NRG2: variants seen among roughly 807,000 people sequenced by gnomAD.
NRG2 encodes the protein pro-neuregulin-2, membrane-bound isoform.
Under a neutral mutation model 73.9 loss-of-function variants are expected in NRG2, and 27 were observed. The ratio of observed to expected loss-of-function variants is 0.37; its 90% confidence interval spans 0.27 to 0.50. NRG2 has a LOEUF of 0.50. Among genes scored for constraint, NRG2 ranks in the 20% least tolerant of loss-of-function variants. The pLI is 0.96. For synonymous variants in NRG2, 532 were observed against 541.0 expected, an observed-to-expected ratio of 0.98 and a Z score of 0.23; for missense variants, 1,126 against 1,210.1, an observed-to-expected ratio of 0.93 and a Z score of 1.03.
chr5:139,938,151 G>T (rs113829513), intron 1 of NRG2, among the ~76,000 whole-genome samples: 67 of 152,306 alleles, frequency 4.4e-4, no homozygotes, highest in African/African-American at 1.5e-3. Flanking sequence ...GGAAATACGT[G>T]TTCATGGATG....
chr5:140,026,575 G>A (rs1171088750), intron 1 of NRG2, among the ~76,000 whole-genome samples: 1 of 151,878 alleles, frequency 6.6e-6, no homozygotes, highest in African/African-American at 2.4e-5. Flanking sequence ...AACAGCCACC[G>A]TACTCCAGCC....
Position 139,932,221 on chromosome 5 carries a change from A to AGTGTGTGTGT in NRG2, c.701-44720_701-44711dup, listed in dbSNP as rs3056594. Among the ~76,000 whole-genome samples the AGTGTGTGTGT allele has an allele frequency of 5.9e-3, 841 of 141,436 alleles. 3 individuals carry two copies. The highest frequency in any genetic ancestry group is 0.02 in the African/African-American group (774 of 38,550). 92.8% of individuals were successfully genotyped at this position (141,436 alleles called of 152,430 possible). On this transcript the variant is annotated intron_variant, in intron 1 of 9. Transcript: ENST00000361474. ...ATGGATGAATGGATAAAGAAAATGT[A>AGTGTGTGTGT]GTGTGTGTGTGTGTGTGTGTGTGTG...
At chr5:140,011,241 T>A (rs1759341812) in intron 1 of NRG2, among the ~76,000 whole-genome samples, 1 of 152,198 alleles carries the variant, frequency 6.6e-6, no homozygotes, top group Non-Finnish European at 1.5e-5. Context: ...TTACTTCCTA[T>A]GTTATAGCCT....
chr5:140,006,699 G>T (rs1758929870), intron 1 of NRG2, among the ~76,000 whole-genome samples: 1 of 152,138 alleles, frequency 6.6e-6, no homozygotes, highest in Non-Finnish European at 1.5e-5. Context: ...AGAGAGACAT[G>T]CCAGGAAAAG....
chr5:139,880,521 T>C (rs971855766), intron 3 of NRG2, among the ~76,000 whole-genome samples: 1 of 152,148 alleles, frequency 6.6e-6, no homozygotes, highest in African/African-American at 2.4e-5. Flanking sequence ...GGCCTGCCTC[T>C]CCCTGCAGCC....
At position 139,887,504 on chromosome 5, in the gene NRG2, C is replaced by A; in HGVS notation, c.708G>T (p.Arg236=). ...GGCTCTTCATCTTCTTCAACTTGGG[C>A]CGGGTGGCTGTGGGTTACAAGGCAG... ...GKILCTDCAT[R]PKLKKMKSQT... The change falls in exon 2 of 10, where the codon CGG becomes CGT. Residue 236 remains arginine (R), a synonymous_variant. Transcript: ENST00000361474. The surrounding 1 kb of genome is among the most constrained non-coding windows in gnomAD (Gnocchi z 4.5). The A allele has an allele frequency of 3.1e-6, 5 of 1,613,908 alleles. No individual in the cohort carries two copies. The highest frequency in any genetic ancestry group is 4.2e-6 in the Non-Finnish European group (5 of 1,179,942).
intron 1 of NRG2, among the ~76,000 whole-genome samples, chr5:139,924,824 C>A (rs529356635): frequency 6.6e-6 from 1 of 152,210 alleles, no homozygotes; most frequent in African/African-American, 2.4e-5. Context: ...CTCTTCGCTG[C>A]TACTTCTGGG....
intron 1 of NRG2, among the ~76,000 whole-genome samples, chr5:139,916,245 A>G (rs891145825): frequency 1.3e-5 from 2 of 152,190 alleles, no homozygotes; most frequent in African/African-American, 4.8e-5. Context: ...GGTATTTGTA[A>G]CTATTGTGAG....
At chr5:139,970,434 C>T (rs1333364919) in intron 1 of NRG2, among the ~76,000 whole-genome samples, 1 of 151,838 alleles carries the variant, frequency 6.6e-6, no homozygotes. Flanking sequence ...GCAACATCCC[C>T]ACCTCCACTG....
intron 1 of NRG2, among the ~76,000 whole-genome samples, chr5:139,917,624 T>G (rs1369517975): frequency 6.6e-6 from 1 of 152,180 alleles, no homozygotes; most frequent in African/African-American, 2.4e-5. Context: ...ATATTGGCCA[T>G]TTGTATGTCT....
chr5:139,925,868 C>T (rs984266850), intron 1 of NRG2, among the ~76,000 whole-genome samples: 12 of 152,164 alleles, frequency 7.9e-5, no homozygotes, highest in Admixed American at 5.2e-4. Context: ...ACCTCCAGGC[C>T]CCACCTCTCT....
intron 1 of NRG2, among the ~76,000 whole-genome samples, chr5:139,948,765 T>C (rs1361471086): frequency 6.6e-6 from 1 of 152,220 alleles, no homozygotes; most frequent in Non-Finnish European, 1.5e-5. Flanking sequence ...TTAGCCCAGT[T>C]AGCAGGTTGT....
chr5:140,007,305 T>A (rs1239853128), intron 1 of NRG2, among the ~76,000 whole-genome samples: 1 of 152,132 alleles, frequency 6.6e-6, no homozygotes, highest in East Asian at 1.9e-4. Context: ...CGAGCTGTAG[T>A]GCCTTCTGCT....
chr5:139,865,415 A>C lies in NRG2; in HGVS notation c.1189+134T>G. 1.3e-6 allele frequency: 1 copy of C among 762,094 alleles called. No homozygotes were observed. 47.2% of individuals were successfully genotyped at this position (762,094 alleles called of 1,614,324 possible). ...AGAACTAACAAACCAAAATACAAAA[A>C]AGAAAAGAGAAACAAAACAAAACAG... On this transcript the variant is annotated intron_variant, in intron 5 of 9. Transcript: ENST00000361474. This position sits in a 1 kb window ranked among gnomAD's most constrained non-coding sequence, Gnocchi z 5.2.
At chr5:140,028,799 T>A (rs75821987) in intron 1 of NRG2, among the ~76,000 whole-genome samples, 2 of 152,204 alleles carry the variant, frequency 1.3e-5, no homozygotes, top group East Asian at 3.9e-4. Context: ...AGTAACTCTC[T>A]TCTAACAAGC....
chr5:139,868,667 T>C lies in NRG2; in HGVS notation c.1113-3042A>G, dbSNP rs1016403432. ...TCCCACCCCACCTCCCGGGCCTCAG[T>C]TTCTCCTTTTGGTAGCCTGGGGATA... is the stretch of plus-strand genomic sequence containing the variant. On this transcript the variant is annotated intron_variant, in intron 4 of 9. Transcript: ENST00000361474. This position sits in a 1 kb window ranked among gnomAD's most constrained non-coding sequence, Gnocchi z 4.2. Among the ~76,000 whole-genome samples the C allele has an allele frequency of 6.6e-6, 1 of 152,062 alleles. No individual in the cohort carries two copies. The highest frequency in any genetic ancestry group is 1.5e-5 in the Non-Finnish European group (1 of 68,000).
rs1023020386 is a variant in NRG2, at chr5:139,856,783, C to A, written c.1190-1005G>T. 1.3e-5 allele frequency among the ~76,000 whole-genome samples: 2 copies of A among 152,226 alleles called. No individual in the cohort carries two copies. Among genetic ancestry groups the A allele is most frequent in the African/African-American group, 4.8e-5 (2 of 41,466 alleles). On this transcript the variant is annotated intron_variant, in intron 5 of 9. Transcript: ENST00000361474. This position sits in a 1 kb window ranked among gnomAD's most constrained non-coding sequence, Gnocchi z 4.2. ...TATCTGATTCACAGGCAGACCCCTT[C>A]ATTCACGCACACACACCTGCACACA...
intron 1 of NRG2, among the ~76,000 whole-genome samples, chr5:139,902,284 A>C (rs1023431699): frequency 5.3e-5 from 8 of 152,202 alleles, no homozygotes; most frequent in African/African-American, 1.9e-4. Flanking sequence ...CATGGAGCAG[A>C]GCTCACACCT....
rs906070366 is a variant in NRG2 at position 140,042,852 on chromosome 5, G to A, written c.218C>T (p.Pro73Leu). Residue 73 changes from proline to leucine, a missense_variant, in exon 1 of 10, where the codon CCC (proline) becomes CTC (leucine). Physicochemically the swap from Pro to Leu is moderately conservative, Grantham distance 98. Around this residue, in one of 3 missense-constraint regions of NRG2, gnomAD observed 185 missense variants for 149.0 expected, o/e 1.24. Transcript: ENST00000361474. ...PEPRPQQQPQPRSPAARRAAA... is the reference protein window; with the variant it reads ...PEPRPQQQPQLRSPAARRAAA... ...GGCTCTCCGGGCTGCGGGGCTGCGG[G>A]GCTGCGGCTGTTGCTGCGGCCGCGG... 6.7e-7 allele frequency: 1 copy of A among 1,502,082 alleles called. No homozygotes were observed. Among genetic ancestry groups the A allele is most frequent in the African/African-American group, 1.4e-5 (1 of 69,224 alleles). 93.0% of individuals were successfully genotyped at this position (1,502,082 alleles called of 1,614,324 possible).
Sources: allele counts gnomAD v4.1 joint callset (sites outside exome capture counted in the v4.1 genomes callset), GRCh38; gene constraint gnomAD v4.1.1; regional missense constraint gnomAD v4.1.1; non-coding constraint Gnocchi (gnomAD v3.1); transcripts MANE v1.5; gene names NCBI Gene and HGNC (gene_info 2026-07-23, HGNC 2026-07-21).